Variants in PPFIA2 observed in about 807,000 individuals in gnomAD.
PPFIA2 encodes PPFI scaffold protein A2.
PPFIA2 carries 46 observed loss-of-function variants against 175.5 expected under a neutral mutation model. The observed-to-expected ratio is 0.26, with a 90% CI of 0.21 to 0.34. The LOEUF (loss-of-function observed/expected upper bound fraction) is 0.34, where lower values mean the gene tolerates loss of function less well. Ranked by LOEUF, PPFIA2 falls within the 10% of genes least tolerant of loss-of-function variation. The pLI, the probability that PPFIA2 is intolerant of heterozygous loss-of-function variation, is 1.00. For missense variants in PPFIA2, 1,179 were observed against 1,506.1 expected (o/e 0.78, Z 3.60); for synonymous variants, 568 against 511.4 (o/e 1.11, Z -1.49).
chr12:81,501,074 G>A (rs2060545377), intron 4 of PPFIA2, among the ~76,000 whole-genome samples: 1 of 152,156 alleles, frequency 6.6e-6, no homozygotes, highest in Non-Finnish European at 1.5e-5. Context: ...GCCTCCAGTG[G>A]CTTCCGACCT....
chr12:81,374,902 G>T, intron 10 of PPFIA2, 134 bp from the exon 11 acceptor site: 1 of 739,188 alleles, frequency 1.4e-6, no homozygotes, highest in East Asian at 2.7e-5. Flanking sequence ...TGTGCAAAGT[G>T]TTGATTGTTG....
At chr12:81,652,727 A>G (rs1226842541) in intron 4 of PPFIA2, among the ~76,000 whole-genome samples, 1 of 151,844 alleles carries the variant, frequency 6.6e-6, no homozygotes, top group Admixed American at 6.6e-5. Context: ...CCATCTTTCT[A>G]CTTGCTCTTT....
At chr12:81,295,685 T>C (rs1345582909) in intron 23 of PPFIA2, among the ~76,000 whole-genome samples, 2 of 152,172 alleles carry the variant, frequency 1.3e-5, no homozygotes, top group African/African-American at 2.4e-5. Context: ...AAATTAATAA[T>C]GCATCAGAAA....
intron 4 of PPFIA2, among the ~76,000 whole-genome samples, chr12:81,565,740 G>A (rs1285363149): frequency 1.3e-5 from 2 of 152,178 alleles, no homozygotes; most frequent in Non-Finnish European, 2.9e-5. Flanking sequence ...AACTGAGATT[G>A]TGTTGCCCTA....
chr12:81,691,969 C>T (rs1370621251), intron 3 of PPFIA2, among the ~76,000 whole-genome samples: 1 of 152,016 alleles, frequency 6.6e-6, no homozygotes, highest in African/African-American at 2.4e-5. Flanking sequence ...CCCTCTCTTA[C>T]ATGTAGATGT....
intron 4 of PPFIA2, among the ~76,000 whole-genome samples, chr12:81,516,500 T>C (rs191649970): frequency 6.6e-6 from 1 of 152,286 alleles, no homozygotes; most frequent in Admixed American, 6.5e-5. Flanking sequence ...TTTGCAGACG[T>C]TAAAAATAAG....
intron 8 of PPFIA2, among the ~76,000 whole-genome samples, chr12:81,394,530 C>A (rs958420288): frequency 6.6e-6 from 1 of 151,914 alleles, no homozygotes; most frequent in African/African-American, 2.4e-5. Context: ...TATGTGCCAT[C>A]ATTCTCAGCA....
At chr12:81,330,217 C>G (rs772649150) in intron 21 of PPFIA2, among the ~76,000 whole-genome samples, 1 of 152,096 alleles carries the variant, frequency 6.6e-6, no homozygotes, top group African/African-American at 2.4e-5. Flanking sequence ...AAAGACCCTA[C>G]GAAAGCCACA....
At chr12:81,439,198 T>TAA (rs2049685880) in intron 7 of PPFIA2, among the ~76,000 whole-genome samples, 1 of 149,650 alleles carries the variant, frequency 6.7e-6, no homozygotes, top group Non-Finnish European at 1.5e-5. Context: ...TATATATATA[T>TAA]AATTTTATTT....
At chr12:81,262,178 A>G (rs1171695239) in intron 31 of PPFIA2, 138 bp from the exon 32 acceptor site, 1 of 629,328 alleles carries the variant, frequency 1.6e-6, no homozygotes, top group African/African-American at 1.8e-5. Context: ...TAAGCCACTC[A>G]CATTCCTCTT....
chr12:81,517,108 T>C (rs1457767939), intron 4 of PPFIA2, among the ~76,000 whole-genome samples: 5 of 73,054 alleles, frequency 6.8e-5, no homozygotes, highest in Admixed American at 6.2e-4. Context: ...ACATTGTAGC[T>C]TTTTTTTTTT....
intron 15 of PPFIA2, among the ~76,000 whole-genome samples, chr12:81,360,932 T>C (rs376452702): frequency 6.6e-5 from 10 of 151,808 alleles, no homozygotes; most frequent in African/African-American, 2.4e-4. Flanking sequence ...TTTATGCATA[T>C]TTAGGTACAA....
At chr12:81,640,969 C>T (rs1400757479) in intron 4 of PPFIA2, among the ~76,000 whole-genome samples, 4 of 151,786 alleles carry the variant, frequency 2.6e-5, no homozygotes, top group Admixed American at 2.0e-4. Context: ...AAAATGAAAT[C>T]GATTCTTTAT....
intron 6 of PPFIA2, among the ~76,000 whole-genome samples, chr12:81,442,894 T>TATATATATAA (rs1566851216): frequency 8.7e-6 from 1 of 115,512 alleles, no homozygotes; most frequent in Non-Finnish European, 1.8e-5. Context: ...TATATATATA[T>TATATATATAA]ATATAGTATT....
At chr12:81,324,150 AATT>A (rs1287705161) in intron 22 of PPFIA2, among the ~76,000 whole-genome samples, 1 of 152,048 alleles carries the variant, frequency 6.6e-6, no homozygotes, top group Non-Finnish European at 1.5e-5. Flanking sequence ...TTAAGGGAAG[AATT>A]AGTATTTTTT....
At chr12:81,535,390 G>A in intron 4 of PPFIA2, 1 of 455,336 alleles carries the variant, frequency 2.2e-6, no homozygotes, top group Non-Finnish European at 4.4e-6. Flanking sequence ...CTGGATTTCA[G>A]AACAACACTT....
chr12:81,567,146 C>T (rs1252103309), intron 4 of PPFIA2, among the ~76,000 whole-genome samples: 1 of 152,184 alleles, frequency 6.6e-6, no homozygotes, highest in Non-Finnish European at 1.5e-5. Flanking sequence ...TCCCGGGATT[C>T]ACGCCATTTT....
At chr12:81,588,807 C>T (rs901753300) in intron 4 of PPFIA2, among the ~76,000 whole-genome samples, 1 of 152,032 alleles carries the variant, frequency 6.6e-6, no homozygotes, top group African/African-American at 2.4e-5. Context: ...ACCACTGTTT[C>T]AGTAGCTGCT....
At chr12:81,294,076 T>G (rs187496389) in intron 24 of PPFIA2, among the ~76,000 whole-genome samples, 1 of 152,154 alleles carries the variant, frequency 6.6e-6, no homozygotes, top group Admixed American at 6.5e-5. Context: ...CACTTGTAAG[T>G]GAGAGCTAAA....
Sources: gnomAD v4.1 joint callset for allele counts (sites outside exome capture counted in the v4.1 genomes callset) on GRCh38, gnomAD v4.1.1 for gene constraint, MANE v1.5 for transcripts, NCBI Gene and HGNC (gene_info 2026-07-23, HGNC 2026-07-21) for gene names.